The following OSBPL9 variants were observed in gnomAD, a reference collection of about 807,000 sequenced individuals.
OSBPL9 encodes the protein oxysterol binding protein like 9.
In OSBPL9, 40 loss-of-function variants were observed where a neutral mutation model predicts 106.6. The observed-to-expected ratio is 0.38, with a 90% CI of 0.29 to 0.49. The LOEUF (loss-of-function observed/expected upper bound fraction) is 0.49, where lower values mean the gene tolerates loss of function less well. OSBPL9 is among the 20% of genes least tolerant of loss of function. The probability of loss-of-function intolerance (pLI) is 0.97; values close to 1 mark genes in which losing one functional copy is unlikely to be tolerated. For missense variants in OSBPL9, 609 were observed against 887.2 expected, an observed-to-expected ratio of 0.69 and a Z score of 3.98; for synonymous variants, 269 against 295.4, an observed-to-expected ratio of 0.91 and a Z score of 0.92.
At chr1:51,754,224 AG>A (rs1669874934) in intron 8 of OSBPL9, among the ~76,000 whole-genome samples, 1 of 152,234 alleles carries the variant, frequency 6.6e-6, no homozygotes, top group Non-Finnish European at 1.5e-5. Context: ...GGCATGTGCC[AG>A]GGGGTTGACT....
chr1:51,701,408 C>T (rs55831270), intron 3 of OSBPL9, among the ~76,000 whole-genome samples: 7,995 of 152,158 alleles, frequency 0.053, 205 homozygotes, highest in Non-Finnish European at 0.061. Context: ...CTGAAACCTC[C>T]GATTGTAGTT....
intron 12 of OSBPL9, among the ~76,000 whole-genome samples, chr1:51,771,214 G>A (rs1426445659): frequency 2.0e-5 from 3 of 152,208 alleles, no homozygotes; most frequent in South Asian, 2.1e-4. Flanking sequence ...GTTTTCGCAC[G>A]TGTAGAGTTG....
At chr1:51,518,880 G>C in the OSBPL9 span, among the ~76,000 whole-genome samples, 6,033 of 151,744 alleles carry the variant, frequency 0.04, 167 homozygotes, top group East Asian at 0.13. Flanking sequence ...CTGCCCCGCG[G>C]GAGCCGGCCC....
intron 3 of OSBPL9, among the ~76,000 whole-genome samples, chr1:51,702,835 G>A (rs1328343375): frequency 6.6e-6 from 1 of 152,168 alleles, no homozygotes; most frequent in African/African-American, 2.4e-5. Context: ...GTGTAAGGAA[G>A]GGATCCAGTT....
At chr1:51,562,961 C>T in the OSBPL9 span, among the ~76,000 whole-genome samples, 3 of 152,182 alleles carry the variant, frequency 2.0e-5, no homozygotes, top group Non-Finnish European at 4.4e-5. Flanking sequence ...GTAATCCTAG[C>T]ACTTTGGGAG....
chr1:51,678,879 ATCT>A (rs1290346721), intron 3 of OSBPL9, among the ~76,000 whole-genome samples: 1 of 152,176 alleles, frequency 6.6e-6, no homozygotes, highest in Non-Finnish European at 1.5e-5. Flanking sequence ...AGGCTTAAAG[ATCT>A]TCTGCTATCT....
At chr1:51,558,164 C>T in the OSBPL9 span, among the ~76,000 whole-genome samples, 5 of 151,946 alleles carry the variant, frequency 3.3e-5, no homozygotes, top group Non-Finnish European at 5.9e-5. Flanking sequence ...CCTGTAGTCC[C>T]AACTACTTGG....
intron 4 of OSBPL9, among the ~76,000 whole-genome samples, chr1:51,734,136 G>T (rs918963300): frequency 1.3e-5 from 2 of 152,212 alleles, no homozygotes; most frequent in African/African-American, 4.8e-5. Context: ...CTCTGTATGT[G>T]TGTGTATACA....
chr1:51,766,441 T>C (rs1413268861), intron 12 of OSBPL9, among the ~76,000 whole-genome samples: 2 of 152,206 alleles, frequency 1.3e-5, no homozygotes, highest in African/African-American at 4.8e-5. Context: ...TAGGTTGATA[T>C]CAAGGTTACA....
chr1:51,735,314 A>G (rs1665421678), intron 4 of OSBPL9, among the ~76,000 whole-genome samples: 1 of 152,170 alleles, frequency 6.6e-6, no homozygotes, highest in Non-Finnish European at 1.5e-5. Flanking sequence ...TGAGTACCTC[A>G]GCATCTCTTG....
At chr1:51,552,413 A>T in the OSBPL9 span, among the ~76,000 whole-genome samples, 1 of 152,320 alleles carries the variant, frequency 6.6e-6, no homozygotes, top group South Asian at 2.1e-4. Context: ...CCACTTATAG[A>T]TGAAGAGCAG....
chr1:51,758,216 A>T (rs138176903), intron 9 of OSBPL9, among the ~76,000 whole-genome samples: 146 of 152,260 alleles, frequency 9.6e-4, no homozygotes, highest in African/African-American at 3.3e-3. Context: ...CTTTTATTCA[A>T]GATGCATGAA....
upstream of OSBPL9, among the ~76,000 whole-genome samples, chr1:51,615,843 A>C (rs571650306): frequency 6.6e-5 from 10 of 152,128 alleles, no homozygotes; most frequent in Admixed American, 2.0e-4. Flanking sequence ...TAATTTATTA[A>C]ATTATTTGCA....
chr1:51,768,634 T>C (rs1452410101), intron 12 of OSBPL9, among the ~76,000 whole-genome samples: 3 of 152,402 alleles, frequency 2.0e-5, no homozygotes, highest in Non-Finnish European at 2.9e-5. Context: ...CTTGATAATA[T>C]GTGGTTAGCT....
chr1:51,660,564 A>C (rs1647077107), intron 2 of OSBPL9, among the ~76,000 whole-genome samples: 1 of 152,262 alleles, frequency 6.6e-6, no homozygotes, highest in Non-Finnish European at 1.5e-5. Context: ...AAGGGGGAAT[A>C]AGAAGGTAAA....
chr1:51,552,421 C>CAACT, the OSBPL9 span, among the ~76,000 whole-genome samples: 14 of 152,252 alleles, frequency 9.2e-5, no homozygotes, highest in Non-Finnish European at 2.1e-4. Context: ...AGATGAAGAG[C>CAACT]AGTTAAATAA....
chr1:51,525,813 G>A, the OSBPL9 span, among the ~76,000 whole-genome samples: 2 of 152,124 alleles, frequency 1.3e-5, no homozygotes, highest in African/African-American at 4.8e-5. Flanking sequence ...GCAGTGGCAC[G>A]ATCATGGCTC....
chr1:51,519,334 G>GGCGGGCGT, the OSBPL9 span: 1 of 371,350 alleles, frequency 2.7e-6, no homozygotes, highest in African/African-American at 2.1e-5. Flanking sequence ...GGGGCGGGCG[G>GGCGGGCGT]GCGGGCGTCT....
Position 51,779,491 on chromosome 1 carries a change from A to G in OSBPL9, c.1257-1673A>G, listed in dbSNP as rs143485989. ...AAAACTTCTGGACATTGGCCTAGGC[A>G]AAGACTTTATGACCAATAATCCAAA... On this transcript the variant is annotated intron_variant, in intron 15 of 23. Transcript: ENST00000428468. 5.6e-3 allele frequency among the ~76,000 whole-genome samples: 860 copies of G among 152,348 alleles called. 2 individuals carry two copies. The highest frequency in any genetic ancestry group is 0.02 in the African/African-American group (815 of 41,576).
Sources: gnomAD v4.1 joint callset for allele counts (sites outside exome capture counted in the v4.1 genomes callset) on GRCh38, gnomAD v4.1.1 for gene constraint, MANE v1.5 for transcripts, NCBI Gene and HGNC (gene_info 2026-07-23, HGNC 2026-07-21) for gene names.